CAMTA1: variants seen among roughly 807,000 people sequenced by gnomAD.
CAMTA1 encodes the protein calmodulin-binding transcription activator 1.
A neutral mutation model predicts 170.9 loss-of-function variants in CAMTA1; 27 were observed. The observed-to-expected ratio is 0.16, with a 90% CI of 0.12 to 0.22. The LOEUF is 0.22. CAMTA1 is among the 10% of genes least tolerant of loss of function. The pLI is 1.00. For synonymous variants in CAMTA1, 833 were observed against 891.5 expected (o/e 0.93, Z 1.17); for missense variants, 1,619 against 2,217.2 (o/e 0.73, Z 5.42).
rs568200259 is a variant in CAMTA1, at chr1:7,758,658, G to A, written c.4989+2990G>A. Among the ~76,000 whole-genome samples the A allele has an allele frequency of 1.5e-4, 23 of 152,250 alleles. No homozygotes were observed. The South Asian group carries it at 2.7e-3, about 18-fold the overall frequency. ...AAGATAAAATACTTATTTTTGGGCC[G>A]GGCGCGGTGGCTTACGCCTGTAATC... is the stretch of plus-strand genomic sequence containing the variant. On this transcript the variant is annotated intron_variant, in intron 22 of 22. Coordinates refer to ENST00000303635, the MANE Select transcript of CAMTA1 (RefSeq NM_015215.4).
intron 4 of CAMTA1, among the ~76,000 whole-genome samples, chr1:7,196,199 GCT>G (rs140611245): frequency 2.3e-4 from 34 of 149,100 alleles, no homozygotes; most frequent in African/African-American, 6.9e-4. Context: ...TTCCCCCTTA[GCT>G]CTCTCTCTCT....
intron 3 of CAMTA1, among the ~76,000 whole-genome samples, chr1:6,827,598 A>G (rs35857766): frequency 0.071 from 10,825 of 152,088 alleles, 446 homozygotes; most frequent in African/African-American, 0.11. Context: ...CGGTGTTACT[A>G]AAGCACTTCT....
At chr1:7,116,515 T>C (rs1558123434) in intron 4 of CAMTA1, among the ~76,000 whole-genome samples, 3 of 152,212 alleles carry the variant, frequency 2.0e-5, no homozygotes, top group Admixed American at 6.5e-5. Flanking sequence ...AATCAGAGAA[T>C]AGAATCCTTC....
intron 11 of CAMTA1, among the ~76,000 whole-genome samples, chr1:7,697,083 C>A (rs2096384361): frequency 6.6e-6 from 1 of 152,192 alleles, no homozygotes; most frequent in Admixed American, 6.5e-5. Context: ...CTAGGGCATC[C>A]TGGCCAACTC....
intron 3 of CAMTA1, among the ~76,000 whole-genome samples, chr1:7,062,899 C>T (rs1708456666): frequency 6.6e-6 from 1 of 152,176 alleles, no homozygotes; most frequent in South Asian, 2.1e-4. Flanking sequence ...ACCTGTGCGT[C>T]TCTGTTTTCA....
In CAMTA1 at chr1:6,847,844, C is replaced by T. The variant is rs2148769245; in HGVS notation, c.234+22634C>T. Among the ~76,000 whole-genome samples the T allele has an allele frequency of 4.6e-5, 7 of 151,572 alleles. No homozygotes were observed. The Middle Eastern group carries it at 0.021, about 445-fold the overall frequency. ...TCAGCCTCCTGAGTAGCTGGGATTA[C>T]AGGCACGCATGTGGCACCCAGCTAA... On this transcript the variant is annotated intron_variant, in intron 3 of 22. Transcript: ENST00000303635.
chr1:6,880,924 A>T (rs965596594), intron 3 of CAMTA1, among the ~76,000 whole-genome samples: 1 of 152,196 alleles, frequency 6.6e-6, no homozygotes, highest in African/African-American at 2.4e-5. Flanking sequence ...GAGAGGAATA[A>T]TAATAAACAA....
intron 4 of CAMTA1, among the ~76,000 whole-genome samples, chr1:7,128,549 TG>T (rs1645062414): frequency 2.0e-5 from 3 of 152,224 alleles, no homozygotes; most frequent in Admixed American, 2.0e-4. Flanking sequence ...CGGTGTGAGA[TG>T]GGCTAAGAAA....
At chr1:7,259,189 G>A (rs182900760) in intron 5 of CAMTA1, among the ~76,000 whole-genome samples, 5 of 152,278 alleles carry the variant, frequency 3.3e-5, no homozygotes, top group African/African-American at 9.6e-5. Flanking sequence ...CTGCAAGGCC[G>A]GAGTGGAAGA....
At position 7,681,491 on chromosome 1, in the gene CAMTA1, G is replaced by A. The variant is rs1042732543; in HGVS notation, c.2914+3758G>A. ...CCATTTCTCCTCCACCCACAAAGGT[G>A]CGGATTCAGAACAAATTTCCTCTGT... On this transcript the variant is annotated intron_variant, in intron 11 of 22. Coordinates refer to ENST00000303635, the MANE Select transcript of CAMTA1 (RefSeq NM_015215.4). The surrounding 1 kb of genome is among the most constrained non-coding windows in gnomAD (Gnocchi z 4.6). 1.3e-5 allele frequency among the ~76,000 whole-genome samples: 2 copies of A among 152,162 alleles called. No individual in the cohort carries two copies. The highest frequency in any genetic ancestry group is 4.8e-5 in the African/African-American group (2 of 41,436).
intron 3 of CAMTA1, among the ~76,000 whole-genome samples, chr1:6,855,521 G>A (rs1423423524): frequency 6.6e-6 from 1 of 151,822 alleles, no homozygotes; most frequent in African/African-American, 2.4e-5. Context: ...GATCTCCTGA[G>A]AACTCAATCA....
At chr1:7,354,208 G>A (rs1462385982) in intron 5 of CAMTA1, among the ~76,000 whole-genome samples, 1 of 151,046 alleles carries the variant, frequency 6.6e-6, no homozygotes, top group African/African-American at 2.4e-5. Context: ...GAGTGCAGTG[G>A]CACGATCTTG....
intron 4 of CAMTA1, among the ~76,000 whole-genome samples, chr1:7,180,473 GA>G (rs201482969): frequency 7.4e-6 from 1 of 135,388 alleles, no homozygotes; most frequent in African/African-American, 2.7e-5. Flanking sequence ...AAAAGATCTA[GA>G]AAAAATCCTG....
chr1:7,753,008 T>C (rs1355018086), intron 21 of CAMTA1, among the ~76,000 whole-genome samples: 2 of 152,228 alleles, frequency 1.3e-5, no homozygotes, highest in Admixed American at 6.5e-5. Flanking sequence ...TGCCCTCTGC[T>C]GGTCATGTAA....
intron 9 of CAMTA1, among the ~76,000 whole-genome samples, chr1:7,667,143 C>T (rs2149185690): frequency 6.6e-6 from 1 of 152,266 alleles, no homozygotes; most frequent in Admixed American, 6.5e-5. Flanking sequence ...CCCACCTCAG[C>T]CTCCCAAAGT....
chr1:6,925,955 C>T (rs1683000508), intron 3 of CAMTA1, among the ~76,000 whole-genome samples: 2 of 152,198 alleles, frequency 1.3e-5, no homozygotes, highest in Admixed American at 1.3e-4. Flanking sequence ...GACTTCCTCT[C>T]CTTATGCCTC....
At chr1:7,704,889 G>C (rs1314856013) in intron 11 of CAMTA1, among the ~76,000 whole-genome samples, 1 of 146,722 alleles carries the variant, frequency 6.8e-6, no homozygotes. Context: ...AGCTCAGCAG[G>C]TCCGGGTAGG....
At chr1:7,282,454 C>A (rs987798933) in intron 5 of CAMTA1, among the ~76,000 whole-genome samples, 4 of 152,240 alleles carry the variant, frequency 2.6e-5, no homozygotes, top group African/African-American at 9.6e-5. Context: ...GGACCAGCGA[C>A]TGCCAGTTTA....
At chr1:7,639,642 G>A (rs1485421722) in intron 6 of CAMTA1, among the ~76,000 whole-genome samples, 3 of 152,132 alleles carry the variant, frequency 2.0e-5, no homozygotes, top group Non-Finnish European at 2.9e-5. Context: ...GCATGGTGGT[G>A]TGTGCCTGTA....
Sources: allele counts gnomAD v4.1 joint callset (sites outside exome capture counted in the v4.1 genomes callset), GRCh38; gene constraint gnomAD v4.1.1; non-coding constraint Gnocchi (gnomAD v3.1); transcripts MANE v1.5; gene names NCBI Gene and HGNC (gene_info 2026-07-23, HGNC 2026-07-21).